The following RUNDC1 variants were observed in gnomAD, a reference collection of about 807,000 sequenced individuals.
RUNDC1 encodes the protein RUN domain-containing protein 1.
A neutral mutation model predicts 49.3 loss-of-function variants in RUNDC1; 31 were observed. The observed-to-expected ratio is 0.63, with a 90% CI of 0.47 to 0.85. The LOEUF (loss-of-function observed/expected upper bound fraction) is 0.85, where lower values mean the gene tolerates loss of function less well. RUNDC1 is among the 40% of genes least tolerant of loss of function. RUNDC1 has a pLI of 0.00. For synonymous variants in RUNDC1, 347 were observed against 348.6 expected, an observed-to-expected ratio of 1.00 and a Z score of 0.05; for missense variants, 715 against 806.7, an observed-to-expected ratio of 0.89 and a Z score of 1.38.
At position 42,992,495 on chromosome 17, in the gene RUNDC1, A is replaced by C. The variant is rs1229748622; in HGVS notation, c.*779A>C. On this transcript the variant is annotated 3_prime_UTR_variant, in exon 5 of 5. Transcript: ENST00000361677. The stretch of plus-strand genomic sequence containing the variant: ...GAGGCCGGAGAATCGCTTGAGCCCG[A>C]GAGGTGGAGACTGCAGTAAGCCAAG... The C allele has an allele frequency of 7.0e-6, 1 of 142,662 alleles. No individual in the cohort carries two copies. Among genetic ancestry groups the C allele is most frequent in the Non-Finnish European group, 1.5e-5 (1 of 66,298 alleles). 8.8% of individuals were successfully genotyped at this position (142,662 alleles called of 1,614,324 possible).
At chr17:42,981,321 T>C (rs372553021) in intron 1 of RUNDC1, 23 of 526,340 alleles carry the variant, frequency 4.4e-5, no homozygotes, top group East Asian at 1.8e-4. Flanking sequence ...ATGACGTGAG[T>C]GGTAGAGGAG....
At chr17:42,984,889 CTTTTTTTTTTTTTTTTTTTT>C (rs56228523) in intron 1 of RUNDC1, among the ~76,000 whole-genome samples, 1 of 65,352 alleles carries the variant, frequency 1.5e-5, no homozygotes, top group South Asian at 6.7e-4. Context: ...TTCTTTCTTT[CTTTTTTTTTTTTTTTTTTTT>C]TTTGGACACA....
Position 42,992,726 on chromosome 17 carries a change from C to T in RUNDC1, c.*1010C>T, listed in dbSNP as rs1301230588. 1 of 152,212 alleles carries T rather than the reference C, an allele frequency of 6.6e-6. No individual in the cohort carries two copies. The highest frequency in any genetic ancestry group is 1.5e-5 in the Non-Finnish European group (1 of 68,048). 9.4% of individuals were successfully genotyped at this position (152,212 alleles called of 1,614,324 possible). On this transcript the variant is annotated 3_prime_UTR_variant, in exon 5 of 5. Coordinates refer to ENST00000361677, the MANE Select transcript of RUNDC1 (RefSeq NM_173079.5). ...TTCCTGACCCCAAGGTCAGAGGAGA[C>T]TATATATTCCATGGCTGCCTCTAAG...
In RUNDC1 at chr17:42,990,978, G is replaced by A. The variant is rs775977364; in HGVS notation, c.1104G>A (p.Leu368=). Residue 368 remains leucine, a synonymous_variant, in exon 5 of 5, where the codon CTG becomes CTA. Coordinates refer to ENST00000361677, the MANE Select transcript of RUNDC1 (RefSeq NM_173079.5). ...CCACAGGCCAGATCCCTCCAACCCT[G>A]TGGCAGAGGGTCCAGGCTGACAGAG... ...GCATGQIPPT[L]WQRVQADRDY... 2.5e-6 allele frequency: 4 copies of A among 1,614,166 alleles called. No homozygotes were observed. The African/African-American group carries it at 5.3e-5, about 22-fold the overall frequency.
rs913450991 is a variant in RUNDC1, at chr17:42,993,525, A to G, written c.*1809A>G. 2.0e-5 allele frequency: 3 copies of G among 152,330 alleles called. No homozygotes were observed. Among genetic ancestry groups the G allele is most frequent in the Admixed American group, 2.0e-4 (3 of 15,304 alleles). The allele number at this position is 152,330 out of a possible 1,614,324, so 9.4% of individuals were successfully genotyped here. On this transcript the variant is annotated 3_prime_UTR_variant, in exon 5 of 5. Coordinates refer to ENST00000361677, the MANE Select transcript of RUNDC1 (RefSeq NM_173079.5). The stretch of plus-strand genomic sequence containing the variant: ...AATTAGTTCACCTTCCCTGTGAAAC[A>G]AGAGAATTGTAAAATGTTGTGGAAA...
At chr17:42,989,590 T>C (rs754585768) in intron 3 of RUNDC1, 51 bp downstream of exon 3, 9 of 1,519,232 alleles carry the variant, frequency 5.9e-6, no homozygotes, top group African/African-American at 1.4e-5. Context: ...ATAATAATTA[T>C]ACTTATTCTA....
Position 42,991,251 on chromosome 17 carries a change from G to A in RUNDC1, c.1377G>A (p.Leu459=), listed in dbSNP as rs762473527. 1 of 1,614,078 alleles carries A rather than the reference G, an allele frequency of 6.2e-7. No homozygotes were observed. The highest frequency in any genetic ancestry group is 1.3e-5 in the African/African-American group (1 of 74,916). Residue 459 remains leucine (L), a synonymous_variant, in exon 5 of 5, where the codon TTG becomes TTA. Transcript: ENST00000361677. ...TTGTTATGGCTCCTATTGCTTGTTT[G>A]CTGCCAGCCTTCTCCTCGGCCCCAG... The part of the protein sequence containing the change: ...MSLVMAPIAC[L]LPAFSSAPEA...
At chr17:42,983,143 C>T (rs1456419340) in intron 1 of RUNDC1, among the ~76,000 whole-genome samples, 1 of 149,512 alleles carries the variant, frequency 6.7e-6, no homozygotes, top group Non-Finnish European at 1.5e-5. Context: ...GATCATACCG[C>T]TGCACTCCAG....
chr17:42,991,240 A>G lies in RUNDC1; in HGVS notation c.1366A>G (p.Ile456Val), dbSNP rs774960270. The G allele has an allele frequency of 1.9e-6, 3 of 1,614,044 alleles. No homozygotes were observed. Among genetic ancestry groups the G allele is most frequent in the East Asian group, 2.2e-5 (1 of 44,872 alleles). The part of the protein sequence containing the change: ...SPGMSLVMAP[I>V]ACLLPAFSSA... ...AGGGATGAGCCTTGTTATGGCTCCT[A>G]TTGCTTGTTTGCTGCCAGCCTTCTC... is the stretch of plus-strand genomic sequence containing the variant. The change falls in exon 5 of 5, where the codon ATT becomes GTT. Residue 456 changes from isoleucine (I) to valine (V), a missense_variant. Physicochemically the swap from Ile to Val is conservative, Grantham distance 29 (BLOSUM62 3). Transcript: ENST00000361677.
intron 1 of RUNDC1, among the ~76,000 whole-genome samples, chr17:42,984,092 C>G (rs2050138243): frequency 6.6e-6 from 1 of 152,046 alleles, no homozygotes; most frequent in Non-Finnish European, 1.5e-5. Flanking sequence ...AGCTCAGCCT[C>G]CCAAGTAGCT....
At position 42,981,096 on chromosome 17, in the gene RUNDC1, G is replaced by A. The variant is rs1275827944; in HGVS notation, c.498+22G>A. The A allele has an allele frequency of 1.9e-6, 3 of 1,547,876 alleles. No individual in the cohort carries two copies. The African/African-American group carries it at 4.2e-5, about 22-fold the overall frequency. ...CCAGGTGAGTGGCTGGAGCCGGGCC[G>A]CGAGGAATATGGGAATAGTGGGGTC... is the stretch of plus-strand genomic sequence containing the variant. On this transcript the variant is annotated intron_variant, in intron 1 of 4. Transcript: ENST00000361677.
chr17:42,991,425 G>A lies in RUNDC1; in HGVS notation c.1551G>A (p.Leu517=). The A allele has an allele frequency of 6.2e-7, 1 of 1,614,186 alleles. No individual in the cohort carries two copies. The highest frequency in any genetic ancestry group is 8.5e-7 in the Non-Finnish European group (1 of 1,180,022). ...TTGTCACCCCCAAACAGAGCCTACT[G>A]ACAGCCATCCACATGGTGCTGACAG... ...GTVVTPKQSL[L]TAIHMVLTEH... is the part of the protein sequence containing the mutation. Residue 517 remains leucine, a synonymous_variant, in exon 5 of 5, where the codon CTG becomes CTA. Coordinates refer to ENST00000361677, the MANE Select transcript of RUNDC1 (RefSeq NM_173079.5).
At position 42,994,554 on chromosome 17, in the gene RUNDC1, C is replaced by G. The variant is rs530095148; in HGVS notation, c.*2838C>G. On this transcript the variant is annotated 3_prime_UTR_variant, in exon 5 of 5. Coordinates refer to ENST00000361677, the MANE Select transcript of RUNDC1 (RefSeq NM_173079.5). ...TTGGTTTCTCTTTCTCCTTTATCCA[C>G]CACCCTCATTCCTCCCCTCACTTTG... Among the ~76,000 whole-genome samples, 88 of 152,264 alleles carry G rather than the reference C, an allele frequency of 5.8e-4. No homozygotes were observed. The highest frequency in any genetic ancestry group is 2.1e-3 in the African/African-American group (86 of 41,544).
intron 1 of RUNDC1, among the ~76,000 whole-genome samples, chr17:42,983,940 T>G (rs1409332949): frequency 6.6e-6 from 1 of 151,606 alleles, no homozygotes; most frequent in Non-Finnish European, 1.5e-5. Flanking sequence ...CGACTCGGCC[T>G]CCCAAAGTGC....
intron 4 of RUNDC1, 100 bp downstream of exon 4, chr17:42,990,536 A>C: frequency 8.3e-7 from 1 of 1,202,158 alleles, no homozygotes; most frequent in Non-Finnish European, 1.2e-6. Context: ...GGAATGAGAA[A>C]TGCTGATGGT....
intron 1 of RUNDC1, among the ~76,000 whole-genome samples, chr17:42,983,520 C>T (rs1274201759): frequency 2.0e-5 from 3 of 151,570 alleles, no homozygotes; most frequent in Non-Finnish European, 4.4e-5. Flanking sequence ...GGACCACAGG[C>T]GAGCATCACC....
chr17:42,985,157 G>A (rs2050154605), intron 1 of RUNDC1, among the ~76,000 whole-genome samples: 1 of 152,010 alleles, frequency 6.6e-6, no homozygotes, highest in African/African-American at 2.4e-5. Flanking sequence ...AAAGTGCTGG[G>A]ATTACAGGCA....
Position 42,991,349 on chromosome 17 carries a change from C to A in RUNDC1, c.1475C>A (p.Pro492Gln). ...AACGGCCGTGCTTATGTGGAATCCCCAGCCCGGAAGCTCTCCCAGTCCTTC... is the reference window on the plus strand; with the variant it reads ...AACGGCCGTGCTTATGTGGAATCCCAAGCCCGGAAGCTCTCCCAGTCCTTC... ...AKNGRAYVES[P>Q]ARKLSQSFAL... Residue 492 changes from proline (P) to glutamine (Q), a missense_variant, in exon 5 of 5, where the codon CCA becomes CAA. By Grantham distance (76) the Pro-to-Gln change is moderately conservative. Transcript: ENST00000361677. 6.2e-7 allele frequency: 1 copy of A among 1,614,246 alleles called. No individual in the cohort carries two copies. Among genetic ancestry groups the A allele is most frequent in the Non-Finnish European group, 8.5e-7 (1 of 1,180,056 alleles).
At chr17:42,989,067 G>C (rs1358930119) in intron 2 of RUNDC1, among the ~76,000 whole-genome samples, 2 of 152,122 alleles carry the variant, frequency 1.3e-5, no homozygotes, top group Non-Finnish European at 2.9e-5. Flanking sequence ...TTTTCATACT[G>C]TTGTTTTCCT....
Sources: gnomAD v4.1 joint callset for allele counts (sites outside exome capture counted in the v4.1 genomes callset) on GRCh38, gnomAD v4.1.1 for gene constraint, MANE v1.5 for transcripts, NCBI Gene and HGNC (gene_info 2026-07-23, HGNC 2026-07-21) for gene names.